ITGA11: variants seen among roughly 807,000 people sequenced by gnomAD.
The protein encoded by ITGA11 is integrin alpha-11.
In ITGA11, 97 loss-of-function variants were observed where a neutral mutation model predicts 141.9. The observed-to-expected ratio is 0.68, with a 90% confidence interval of 0.58 to 0.81. ITGA11 has a LOEUF of 0.81. Ranked by LOEUF, ITGA11 falls within the 30% of genes least tolerant of loss-of-function variation. ITGA11 has a pLI of 0.00. For missense variants in ITGA11, 1,387 were observed against 1,559.2 expected (o/e 0.89, Z 1.86); for synonymous variants, 658 against 624.6 (o/e 1.05, Z -0.80).
chr15:68,398,220 A>G (rs1219079269), intron 2 of ITGA11, among the ~76,000 whole-genome samples: 1 of 151,918 alleles, frequency 6.6e-6, no homozygotes, highest in African/African-American at 2.4e-5. Flanking sequence ...AATTGGATAG[A>G]GTCAAGACCC....
At chr15:68,410,056 C>T (rs977095931) in intron 1 of ITGA11, among the ~76,000 whole-genome samples, 4 of 151,766 alleles carry the variant, frequency 2.6e-5, no homozygotes, top group African/African-American at 9.8e-5. Flanking sequence ...CTGCTCAATA[C>T]AGAACTGACT....
rs1054506804 is a variant in ITGA11, at chr15:68,332,182, C to T, written c.1567-120G>A. ...CACTCCATTCCCCAGAACCCCGTCT[C>T]TGGCTATATGAACCCAGCCACAGAG... On this transcript the variant is annotated intron_variant, in intron 13 of 29. Coordinates refer to ENST00000315757, the MANE Select transcript of ITGA11 (RefSeq NM_001004439.2). The T allele has an allele frequency of 2.4e-6, 3 of 1,237,556 alleles. No homozygotes were observed. In the South Asian group the frequency reaches 4.2e-5, roughly 18 times the overall value. 76.7% of individuals were successfully genotyped at this position (1,237,556 alleles called of 1,614,324 possible).
chr15:68,423,104 G>A (rs887437847), intron 1 of ITGA11, among the ~76,000 whole-genome samples: 2 of 152,174 alleles, frequency 1.3e-5, no homozygotes, highest in African/African-American at 4.8e-5. Flanking sequence ...AGAGTTCTTT[G>A]GTTCATTCAA....
rs551230923 is a variant in ITGA11 at position 68,375,009 on chromosome 15, C to G, written c.165-5725G>C. Reference sequence around the variant, plus strand: ...AGTATGATGAGCCTGCAGAGAGACACTGATCAGTTTCACAGCCAGGACTCC... The same window carrying G: ...AGTATGATGAGCCTGCAGAGAGACAGTGATCAGTTTCACAGCCAGGACTCC... On this transcript the variant is annotated intron_variant, in intron 2 of 29. Coordinates refer to ENST00000315757, the MANE Select transcript of ITGA11 (RefSeq NM_001004439.2). 1.1e-4 allele frequency among the ~76,000 whole-genome samples: 17 copies of G among 152,316 alleles called. No homozygotes were observed. In the East Asian group the frequency reaches 3.3e-3, roughly 29 times the overall value.
chr15:68,357,346 C>T (rs776346971), intron 6 of ITGA11, 47 bp from the exon 7 acceptor site: 1 of 1,578,950 alleles, frequency 6.3e-7, no homozygotes, highest in Non-Finnish European at 8.6e-7. Context: ...CCCCATGAAC[C>T]CATGAACCTT....
Position 68,369,098 on chromosome 15 carries a change from G to T in ITGA11, c.265+86C>A, listed in dbSNP as rs543459448. Reference sequence around the variant, plus strand: ...TGGAGTAGCAGGAAGGAGTCAGTGTGACCATGGACATGGGCGTGCATCAGA... The same window carrying T: ...TGGAGTAGCAGGAAGGAGTCAGTGTTACCATGGACATGGGCGTGCATCAGA... On this transcript the variant is annotated intron_variant, in intron 3 of 29. Transcript: ENST00000315757. The T allele has an allele frequency of 4.4e-6, 4 of 912,706 alleles. No individual in the cohort carries two copies. In the East Asian group the frequency reaches 7.3e-5, roughly 17 times the overall value. The allele number at this position is 912,706 out of a possible 1,614,324, so 56.5% of individuals were successfully genotyped here.
At chr15:68,350,544 G>GT (rs1894873106) in intron 9 of ITGA11, 73 bp downstream of exon 9, 1 of 1,440,562 alleles carries the variant, frequency 6.9e-7, no homozygotes, top group Non-Finnish European at 9.4e-7. Context: ...TGTGGGATTG[G>GT]TTTGTGCTCT....
At chr15:68,355,080 G>A (rs1400584010) in intron 7 of ITGA11, among the ~76,000 whole-genome samples, 1 of 152,202 alleles carries the variant, frequency 6.6e-6, no homozygotes, top group Non-Finnish European at 1.5e-5. Flanking sequence ...GGGTTGTAAA[G>A]TGAGGTCCAA....
At chr15:68,400,039 C>A (rs755670251) in intron 2 of ITGA11, among the ~76,000 whole-genome samples, 3 of 152,084 alleles carry the variant, frequency 2.0e-5, no homozygotes, top group Non-Finnish European at 4.4e-5. Context: ...CTGCAGTAAC[C>A]AAAGCAGCTT....
intron 4 of ITGA11, chr15:68,362,029 G>A (rs79959529): frequency 0.023 from 5,819 of 250,268 alleles, 361 homozygotes; most frequent in African/African-American, 0.13. Flanking sequence ...CCCACCATAC[G>A]GGATCTGGGG....
intron 3 of ITGA11, among the ~76,000 whole-genome samples, chr15:68,365,777 C>T (rs1895403552): frequency 6.6e-6 from 1 of 151,930 alleles, no homozygotes; most frequent in African/African-American, 2.4e-5. Context: ...ACTGTGTCAC[C>T]CAGGCTAGAG....
chr15:68,332,235 T>TC, intron 13 of ITGA11, 103 bp downstream of exon 13: 1 of 1,392,456 alleles, frequency 7.2e-7, no homozygotes, highest in East Asian at 2.5e-5. Flanking sequence ...CAGGCCTGGC[T>TC]CCAGCACTGG....
In ITGA11 at chr15:68,303,290, G is replaced by T. The variant is rs1265197498; in HGVS notation, c.3496-160C>A. 6.6e-6 allele frequency among the ~76,000 whole-genome samples: 1 copy of T among 152,118 alleles called. No individual in the cohort carries two copies. The highest frequency in any genetic ancestry group is 1.5e-5 in the Non-Finnish European group (1 of 68,032). ...CCCCTCCTCCAGAACTGCCTCTGTG[G>T]ACTGGAACACAGTGGATGAGACCAT... On this transcript the variant is annotated intron_variant, in intron 29 of 29. Transcript: ENST00000315757. This position sits in a 1 kb window ranked among gnomAD's most constrained non-coding sequence, Gnocchi z 5.3.
chr15:68,317,046 C>T (rs1273942988), intron 21 of ITGA11, among the ~76,000 whole-genome samples: 2 of 152,168 alleles, frequency 1.3e-5, no homozygotes, highest in African/African-American at 4.8e-5. Context: ...TAGGAATTCT[C>T]TCTGAGTTAA....
intron 1 of ITGA11, among the ~76,000 whole-genome samples, chr15:68,416,716 G>A (rs373620319): frequency 6.6e-6 from 1 of 152,068 alleles, no homozygotes; most frequent in East Asian, 1.9e-4. Flanking sequence ...AGGAGTTCGA[G>A]ACCAGCCTGG....
chr15:68,365,103 C>G (rs1895376402), intron 3 of ITGA11: 7 of 970,630 alleles, frequency 7.2e-6, no homozygotes, highest in African/African-American at 3.5e-5. Flanking sequence ...CCGACTGGAG[C>G]CCCACTTCCC....
rs758465406 is a variant in ITGA11 at position 68,335,093 on chromosome 15, G to A, written c.1425+604C>T. ...GCAGGGAGCTGGGGACAACATGGAA[G>A]GGCCTGGACAGCACTCAGCTCTGGC... On this transcript the variant is annotated intron_variant, in intron 12 of 29. Coordinates refer to ENST00000315757, the MANE Select transcript of ITGA11 (RefSeq NM_001004439.2). The surrounding 1 kb of genome is among the most constrained non-coding windows in gnomAD (Gnocchi z 4.9). Among the ~76,000 whole-genome samples the A allele has an allele frequency of 6.6e-6, 1 of 152,166 alleles. No homozygotes were observed. Among genetic ancestry groups the A allele is most frequent in the Non-Finnish European group, 1.5e-5 (1 of 68,028 alleles).
chr15:68,364,440 G>A (rs564549720), intron 4 of ITGA11, among the ~76,000 whole-genome samples: 1 of 152,290 alleles, frequency 6.6e-6, no homozygotes, highest in South Asian at 2.1e-4. Context: ...TCCCTCCTTC[G>A]GGATATGCAC....
chr15:68,324,521 C>T lies in ITGA11; in HGVS notation c.2322+610G>A, dbSNP rs1404229687. Reference sequence around the variant, plus strand: ...AGAATTGATCACTGCCTGACATTTTCCTTGAGTGGGATTTACATGGAGTTG... The same window carrying T: ...AGAATTGATCACTGCCTGACATTTTTCTTGAGTGGGATTTACATGGAGTTG... On this transcript the variant is annotated intron_variant, in intron 18 of 29. Transcript: ENST00000315757. This position sits in a 1 kb window ranked among gnomAD's most constrained non-coding sequence, Gnocchi z 6.3. 1.3e-5 allele frequency among the ~76,000 whole-genome samples: 2 copies of T among 152,102 alleles called. No individual in the cohort carries two copies. Among genetic ancestry groups the T allele is most frequent in the East Asian group, 3.9e-4 (2 of 5,186 alleles).
Sources: gnomAD v4.1 joint callset for allele counts (sites outside exome capture counted in the v4.1 genomes callset) on GRCh38, gnomAD v4.1.1 for gene constraint, Gnocchi (gnomAD v3.1) non-coding constraint, MANE v1.5 for transcripts, NCBI Gene and HGNC (gene_info 2026-07-23, HGNC 2026-07-21) for gene names.